The following LRRC4C variants were observed in gnomAD, a reference collection of about 807,000 sequenced individuals.
LRRC4C encodes the protein leucine-rich repeat-containing protein 4C.
A neutral mutation model predicts 33.6 loss-of-function variants in LRRC4C; 5 were observed. The observed-to-expected ratio is 0.15, with a 90% CI of 0.08 to 0.31. The LOEUF is 0.31. Ranked by LOEUF, LRRC4C falls within the 10% of genes least tolerant of loss-of-function variation. The probability of loss-of-function intolerance (pLI) is 1.00; values close to 1 mark genes in which losing one functional copy is unlikely to be tolerated. For missense variants in LRRC4C, 560 were observed against 796.7 expected (o/e 0.70, Z 3.58); for synonymous variants, 329 against 302.0 (o/e 1.09, Z -0.93).
intron 4 of LRRC4C, among the ~76,000 whole-genome samples, chr11:40,308,888 G>T (rs1378629468): frequency 6.6e-6 from 1 of 152,178 alleles, no homozygotes; most frequent in Non-Finnish European, 1.5e-5. Flanking sequence ...GGTTACATGA[G>T]CCAATAAAAC....
At chr11:40,849,605 C>T (rs554322973) in intron 2 of LRRC4C, among the ~76,000 whole-genome samples, 12 of 152,026 alleles carry the variant, frequency 7.9e-5, no homozygotes, top group East Asian at 5.8e-4. Context: ...GTTAATCTGA[C>T]GATTATATTT....
intron 3 of LRRC4C, among the ~76,000 whole-genome samples, chr11:40,531,759 C>T (rs865890579): frequency 2.0e-5 from 3 of 151,810 alleles, no homozygotes; most frequent in Non-Finnish European, 4.4e-5. Context: ...TCAGCTGAAT[C>T]ATCTTGATCA....
chr11:41,009,899 A>C (rs1050372391), intron 1 of LRRC4C, among the ~76,000 whole-genome samples: 1 of 152,182 alleles, frequency 6.6e-6, no homozygotes, highest in African/African-American at 2.4e-5. Flanking sequence ...AAACGTAATC[A>C]ATTTATAATG....
intron 1 of LRRC4C, among the ~76,000 whole-genome samples, chr11:41,192,290 T>A (rs1407774288): frequency 1.3e-5 from 2 of 151,502 alleles, no homozygotes; most frequent in Non-Finnish European, 2.9e-5. Context: ...TTGTCAGAAC[T>A]GGAATATTGT....
At chr11:41,424,797 G>A (rs1954984602) in intron 1 of LRRC4C, among the ~76,000 whole-genome samples, 1 of 151,986 alleles carries the variant, frequency 6.6e-6, no homozygotes, top group South Asian at 2.1e-4. Flanking sequence ...TTTTAGATTG[G>A]TAATATTTAG....
chr11:40,756,876 ATTTC>A (rs1434696708), intron 2 of LRRC4C, among the ~76,000 whole-genome samples: 3 of 151,828 alleles, frequency 2.0e-5, no homozygotes, highest in African/African-American at 7.2e-5. Flanking sequence ...GCTTCATCCC[ATTTC>A]TTTCTGTCAG....
At chr11:40,247,568 C>A (rs1034576285) in intron 4 of LRRC4C, among the ~76,000 whole-genome samples, 4 of 152,150 alleles carry the variant, frequency 2.6e-5, no homozygotes, top group Admixed American at 2.6e-4. Context: ...AAAAATCACA[C>A]AGAGAAAGTT....
At chr11:41,197,427 A>G (rs1311880277) in intron 1 of LRRC4C, among the ~76,000 whole-genome samples, 1 of 152,020 alleles carries the variant, frequency 6.6e-6, no homozygotes, top group African/African-American at 2.4e-5. Context: ...GGAAATAACA[A>G]GAAAGGAAAA....
Position 40,581,733 on chromosome 11 carries a change from C to G in LRRC4C, c.-270+66409G>C, listed in dbSNP as rs554965791. Among the ~76,000 whole-genome samples the G allele has an allele frequency of 2.4e-4, 36 of 152,132 alleles. No individual in the cohort carries two copies. In the South Asian group the frequency reaches 7.5e-3, roughly 32 times the overall value. ...CCTGGCCAGCATGGTGAAACCCTGA[C>G]TCTACTAAAAATACAAAAAATTAGC... is the stretch of plus-strand genomic sequence containing the variant. On this transcript the variant is annotated intron_variant, in intron 3 of 6. Transcript: ENST00000528697.
intron 2 of LRRC4C, among the ~76,000 whole-genome samples, chr11:40,660,536 C>T (rs1194499152): frequency 1.3e-5 from 2 of 152,200 alleles, no homozygotes; most frequent in South Asian, 4.1e-4. Flanking sequence ...TAGTTCCATT[C>T]TAATGAGAGG....
At chr11:40,879,461 C>T (rs1469763342) in intron 2 of LRRC4C, among the ~76,000 whole-genome samples, 1 of 152,124 alleles carries the variant, frequency 6.6e-6, no homozygotes, top group Non-Finnish European at 1.5e-5. Flanking sequence ...GTTGTTCATC[C>T]TACAAATGCG....
chr11:40,618,550 C>G (rs1281270321), intron 3 of LRRC4C, among the ~76,000 whole-genome samples: 1 of 151,748 alleles, frequency 6.6e-6, no homozygotes, highest in African/African-American at 2.4e-5. Context: ...TCGTGCAATA[C>G]TTTGATGGTG....
At chr11:40,499,194 C>A (rs1801537727) in intron 3 of LRRC4C, among the ~76,000 whole-genome samples, 1 of 152,116 alleles carries the variant, frequency 6.6e-6, no homozygotes, top group African/African-American at 2.4e-5. Context: ...ACATTTGAAG[C>A]TGAAACTGAC....
At position 41,057,461 on chromosome 11, in the gene LRRC4C, G is replaced by T. The variant is rs577631226; in HGVS notation, c.-495-123738C>A. Among the ~76,000 whole-genome samples the T allele has an allele frequency of 2.6e-5, 4 of 152,344 alleles. No individual in the cohort carries two copies. The South Asian group carries it at 8.3e-4, about 32-fold the overall frequency. On this transcript the variant is annotated intron_variant, in intron 1 of 6. Coordinates refer to ENST00000528697, the MANE Select transcript of LRRC4C (RefSeq NM_001258419.2). ...GCAGACAGGTTCCTGGGTGGAAGGG[G>T]GCGGGCCCCCTAAGGCCCCATCTTC...
intron 6 of LRRC4C, among the ~76,000 whole-genome samples, chr11:40,138,181 T>C (rs1857117238): frequency 6.6e-6 from 1 of 152,064 alleles, no homozygotes; most frequent in Admixed American, 6.6e-5. Flanking sequence ...TTTTTTTTTT[T>C]TTTAGAGATG....
At chr11:40,768,096 A>C (rs1393170574) in intron 2 of LRRC4C, among the ~76,000 whole-genome samples, 1 of 152,060 alleles carries the variant, frequency 6.6e-6, no homozygotes, top group Non-Finnish European at 1.5e-5. Context: ...ATAAATAAAG[A>C]GGGACGATCT....
At chr11:40,392,763 T>C (rs959382295) in intron 3 of LRRC4C, among the ~76,000 whole-genome samples, 28 of 152,144 alleles carry the variant, frequency 1.8e-4, no homozygotes, top group Admixed American at 4.6e-4. Context: ...TGAAAACAAT[T>C]ATTTATTCAA....
intron 1 of LRRC4C, among the ~76,000 whole-genome samples, chr11:40,966,927 T>C (rs1242714273): frequency 6.6e-6 from 1 of 151,672 alleles, no homozygotes; most frequent in Non-Finnish European, 1.5e-5. Context: ...TTAGTTCTAG[T>C]AAAAGAAAAA....
At chr11:40,339,873 C>A (rs974169669) in intron 3 of LRRC4C, among the ~76,000 whole-genome samples, 5 of 151,858 alleles carry the variant, frequency 3.3e-5, no homozygotes, top group African/African-American at 1.2e-4. Flanking sequence ...TGTTTTAGGG[C>A]AATTATAAAA....
Sources: allele counts gnomAD v4.1 joint callset (sites outside exome capture counted in the v4.1 genomes callset), GRCh38; gene constraint gnomAD v4.1.1; transcripts MANE v1.5; gene names NCBI Gene and HGNC (gene_info 2026-07-23, HGNC 2026-07-21).